MCOLN2: variants seen among roughly 807,000 people sequenced by gnomAD.
MCOLN2 encodes the protein mucolipin TRP cation channel 2.
MCOLN2 carries 57 observed loss-of-function variants against 67.5 expected under a neutral mutation model. That is an observed-to-expected ratio of 0.84 (90% CI 0.68 to 1.05). The LOEUF (loss-of-function observed/expected upper bound fraction) is 1.05, where lower values mean the gene tolerates loss of function less well. Ranked by LOEUF, MCOLN2 falls within the 50% of genes least tolerant of loss-of-function variation. The probability of loss-of-function intolerance (pLI) is 0.00; values close to 1 mark genes in which losing one functional copy is unlikely to be tolerated. For synonymous variants in MCOLN2, 246 were observed against 233.3 expected (o/e 1.05, Z -0.50); for missense variants, 620 against 678.8 (o/e 0.91, Z 0.96).
chr1:84,956,411 T>C lies in MCOLN2; in HGVS notation c.565+20A>G. On this transcript the variant is annotated intron_variant, in intron 4 of 13. Transcript: ENST00000370608. Reference sequence around the variant, plus strand: ...ACCAGAAGACGATAAAGGTACATCATGAAATTATCACTGCATTACCGAGCT... The same window carrying C: ...ACCAGAAGACGATAAAGGTACATCACGAAATTATCACTGCATTACCGAGCT... 2.5e-6 allele frequency: 4 copies of C among 1,601,562 alleles called. No homozygotes were observed. The highest frequency in any genetic ancestry group is 3.4e-6 in the Non-Finnish European group (4 of 1,175,732).
At chr1:84,944,764 T>A (rs1279684961) in intron 7 of MCOLN2, among the ~76,000 whole-genome samples, 1 of 152,142 alleles carries the variant, frequency 6.6e-6, no homozygotes, top group African/African-American at 2.4e-5. Flanking sequence ...TGCTTCAATA[T>A]GGGTAATGAC....
In MCOLN2 at chr1:84,937,986, A is replaced by G; in HGVS notation, c.1207T>C (p.Tyr403His). ...ACCCGGTGCCGCATCCTTACATTATATGCCTGGAAATAACCCAGGTATCTG... is the reference window on the plus strand; with the variant it reads ...ACCCGGTGCCGCATCCTTACATTATGTGCCTGGAAATAACCCAGGTATCTG... ...VIRYLGYFQA[Y>H]NVLILTMQAS... Residue 403 changes from tyrosine to histidine, a missense_variant, in exon 10 of 14, where the codon TAT becomes CAT. Coordinates refer to ENST00000370608, the MANE Select transcript of MCOLN2 (RefSeq NM_153259.4). The G allele has an allele frequency of 6.2e-6, 10 of 1,613,860 alleles. No homozygotes were observed. The highest frequency in any genetic ancestry group is 8.5e-6 in the Non-Finnish European group (10 of 1,179,698).
In MCOLN2 at chr1:84,929,616, T is replaced by C; in HGVS notation, c.1606A>G (p.Lys536Glu). ...LQEFLKECSSKEEYQKESSAF... is the reference protein window; with the variant it reads ...LQEFLKECSSEEEYQKESSAF... ...GAGGACTCTTTCTGATACTCTTCTT[T>C]GCTACTGCATTCCTTCAGGAATTCC... is the stretch of plus-strand genomic sequence containing the variant. Residue 536 changes from lysine to glutamate, a missense_variant, in exon 13 of 14, where the codon AAA becomes GAA. Coordinates refer to ENST00000370608, the MANE Select transcript of MCOLN2 (RefSeq NM_153259.4). 1 of 1,613,912 alleles carries C rather than the reference T, an allele frequency of 6.2e-7. No individual in the cohort carries two copies.
At position 84,927,023 on chromosome 1, in the gene MCOLN2, C is replaced by T. The variant is rs1421871883; in HGVS notation, c.1665-302G>A. Among the ~76,000 whole-genome samples, 8 of 150,136 alleles carry T rather than the reference C, an allele frequency of 5.3e-5. No individual in the cohort carries two copies. The East Asian group carries it at 5.9e-4, about 11-fold the overall frequency. On this transcript the variant is annotated intron_variant, in intron 13 of 13. Coordinates refer to ENST00000370608, the MANE Select transcript of MCOLN2 (RefSeq NM_153259.4). ...TCCATGCCCCCAGGGAGGGGAACAT[C>T]GCACACGGGGAAATGTTGGGGGGTA...
At chr1:84,929,527 C>A (rs1365655856) in intron 13 of MCOLN2, 31 bp downstream of exon 13, 1 of 1,582,760 alleles carries the variant, frequency 6.3e-7, no homozygotes, top group East Asian at 2.3e-5. Context: ...CAGCCCATCT[C>A]AGGAGCATGG....
chr1:84,951,736 G>A (rs1007070212), intron 6 of MCOLN2, among the ~76,000 whole-genome samples: 1 of 152,172 alleles, frequency 6.6e-6, no homozygotes, highest in Admixed American at 6.5e-5. Flanking sequence ...GTTGAAAAGG[G>A]TTTGCTTCAT....
intron 1 of MCOLN2, among the ~76,000 whole-genome samples, chr1:84,970,604 T>A (rs1649627616): frequency 6.6e-6 from 1 of 151,874 alleles, no homozygotes; most frequent in South Asian, 2.1e-4. Context: ...AATAGCTTGA[T>A]CTCAGGAGGC....
At chr1:84,929,927 T>A (rs1237809863) in intron 12 of MCOLN2, 2 of 254,546 alleles carry the variant, frequency 7.9e-6, no homozygotes, top group Non-Finnish European at 1.5e-5. Flanking sequence ...AGGGAGAGGT[T>A]TTTTTTAAAA....
At chr1:84,977,962 C>T (rs1650075535) in intron 1 of MCOLN2, among the ~76,000 whole-genome samples, 1 of 152,224 alleles carries the variant, frequency 6.6e-6, no homozygotes, top group Non-Finnish European at 1.5e-5. Flanking sequence ...GCACATGGAT[C>T]ATTCTCAAGG....
chr1:84,931,221 A>T, intron 12 of MCOLN2, 141 bp downstream of exon 12: 1 of 623,316 alleles, frequency 1.6e-6, no homozygotes, highest in Non-Finnish European at 2.8e-6. Flanking sequence ...CCTAAAATTC[A>T]TCTCCAGCGT....
At chr1:84,979,533 T>C (rs1240419446) in intron 1 of MCOLN2, among the ~76,000 whole-genome samples, 1 of 152,168 alleles carries the variant, frequency 6.6e-6, no homozygotes, top group African/African-American at 2.4e-5. Flanking sequence ...TGCAAATCAA[T>C]CAATGTGATG....
rs766124072 is a variant in MCOLN2 at position 84,958,716 on chromosome 1, T to C, written c.238-14A>G. On this transcript the variant is annotated splice_polypyrimidine_tract_variant and intron_variant, in intron 2 of 13. Transcript: ENST00000370608. ...AAAACGAACAAGCTAAAAAATAAAA[T>C]AAAATAGAAACACATGAATTACACC... 1.3e-6 allele frequency: 2 copies of C among 1,556,118 alleles called. No homozygotes were observed. The highest frequency in any genetic ancestry group is 2.3e-5 in the East Asian group (1 of 43,728).
intron 2 of MCOLN2, among the ~76,000 whole-genome samples, chr1:84,961,015 G>A (rs1443975261): frequency 6.6e-6 from 1 of 152,176 alleles, no homozygotes; most frequent in African/African-American, 2.4e-5. Flanking sequence ...GCAAGGACAG[G>A]AATGTTTTTC....
At chr1:84,988,038 C>T (rs905694126) in intron 1 of MCOLN2, among the ~76,000 whole-genome samples, 7 of 151,984 alleles carry the variant, frequency 4.6e-5, no homozygotes, top group African/African-American at 1.5e-4. Flanking sequence ...TAACCAAATG[C>T]CACCTGTTCC....
intron 2 of MCOLN2, among the ~76,000 whole-genome samples, chr1:84,960,333 T>C (rs1356316594): frequency 1.3e-5 from 2 of 152,204 alleles, no homozygotes; most frequent in African/African-American, 4.8e-5. Flanking sequence ...GTCACCAGAA[T>C]GGAAGCCAAG....
intron 4 of MCOLN2, among the ~76,000 whole-genome samples, chr1:84,955,922 C>T (rs932175621): frequency 1.3e-5 from 2 of 152,042 alleles, no homozygotes; most frequent in Non-Finnish European, 2.9e-5. Context: ...ATACAGTATG[C>T]TCTTAAATTC....
intron 1 of MCOLN2, among the ~76,000 whole-genome samples, chr1:84,987,355 TAG>T (rs1306076350): frequency 7.0e-6 from 1 of 142,214 alleles, no homozygotes; most frequent in African/African-American, 2.6e-5. Context: ...TAGATATATG[TAG>T]ATATATATCC....
intron 11 of MCOLN2, 73 bp downstream of exon 11, chr1:84,937,682 A>T: frequency 1.9e-6 from 3 of 1,582,832 alleles, no homozygotes; most frequent in Non-Finnish European, 2.6e-6. Context: ...CCAGGAAGCA[A>T]GTAAGTGCTA....
intron 1 of MCOLN2, among the ~76,000 whole-genome samples, chr1:84,979,605 C>G (rs1650159735): frequency 6.6e-6 from 1 of 152,136 alleles, no homozygotes; most frequent in Non-Finnish European, 1.5e-5. Flanking sequence ...GCTGAAAAAG[C>G]ATTTGATAAA....
Sources: allele counts gnomAD v4.1 joint callset (sites outside exome capture counted in the v4.1 genomes callset), GRCh38; gene constraint gnomAD v4.1.1; transcripts MANE v1.5; gene names NCBI Gene and HGNC (gene_info 2026-07-23, HGNC 2026-07-21).